Variants in MTMR10 observed in about 807,000 individuals in gnomAD.
The protein encoded by MTMR10 is myotubularin-related protein 10.
A neutral mutation model predicts 88.1 loss-of-function variants in MTMR10; 56 were observed. The ratio of observed to expected loss-of-function variants is 0.64; its 90% CI spans 0.51 to 0.79. MTMR10 has a LOEUF of 0.79. Among genes scored for constraint, MTMR10 ranks in the 30% least tolerant of loss-of-function variants. MTMR10 has a pLI of 0.00. For missense variants in MTMR10, 883 were observed against 924.7 expected (o/e 0.95, Z 0.58); for synonymous variants, 380 against 340.9 (o/e 1.11, Z -1.26).
chr15:30,947,854 C>G (rs1196919969), intron 13 of MTMR10, among the ~76,000 whole-genome samples: 1 of 152,148 alleles, frequency 6.6e-6, no homozygotes, highest in Non-Finnish European at 1.5e-5. Flanking sequence ...ACCTGCCTGG[C>G]CGGTAAGATA....
At chr15:30,943,433 C>CA (rs1366388727) in intron 14 of MTMR10, 1 of 985,018 alleles carries the variant, frequency 1.0e-6, no homozygotes, top group African/African-American at 1.7e-5. Context: ...TTTATGAGCA[C>CA]ACGGTCAGTA....
rs951169696 is a variant in MTMR10, at chr15:30,942,221, C to T, written c.1732-149G>A. 3 of 964,156 alleles carry T rather than the reference C, an allele frequency of 3.1e-6. No homozygotes were observed. In the African/African-American group the frequency reaches 4.9e-5, roughly 16 times the overall value. 59.7% of individuals were successfully genotyped at this position (964,156 alleles called of 1,614,324 possible). ...TCCTCCCTTCCTTTGTGTCCTTATTCTAATCCTCCTCCCCTGGAATTACAC... is the reference window on the plus strand; with the variant it reads ...TCCTCCCTTCCTTTGTGTCCTTATTTTAATCCTCCTCCCCTGGAATTACAC... On this transcript the variant is annotated intron_variant, in intron 15 of 15. Transcript: ENST00000435680.
At chr15:30,932,313 G>A in the MTMR10 span, among the ~76,000 whole-genome samples, 1 of 151,384 alleles carries the variant, frequency 6.6e-6, no homozygotes, top group East Asian at 1.9e-4. Flanking sequence ...TATCTTAACA[G>A]CATTATTTTG....
At chr15:30,962,525 T>TTCATTAAAAGCGGGAAGTGAAATTATGC (rs2063416030) in intron 6 of MTMR10, among the ~76,000 whole-genome samples, 7 of 152,212 alleles carry the variant, frequency 4.6e-5, no homozygotes, top group Admixed American at 6.5e-5. Flanking sequence ...AAATGGCTTC[T>TTCATTAAAAGCGGGAAGTGAAATTATGC]CTTGGCCTTA....
chr15:30,955,685 C>T (rs1023737586), intron 9 of MTMR10, among the ~76,000 whole-genome samples: 5 of 152,182 alleles, frequency 3.3e-5, no homozygotes, highest in African/African-American at 1.2e-4. Context: ...ATTAAGGAGA[C>T]CCTACACTCC....
rs751844089 is a variant in MTMR10, at chr15:30,940,193, T to G, written c.*1277A>C. On this transcript the variant is annotated 3_prime_UTR_variant, in exon 16 of 16. Transcript: ENST00000435680. ...CGGGGAATGAGGAGTGTGGGGGAGGTGGTGCCCCGTTTCACTGCTGTAAGA... is the reference window on the plus strand; with the variant it reads ...CGGGGAATGAGGAGTGTGGGGGAGGGGGTGCCCCGTTTCACTGCTGTAAGA... 2 of 984,824 alleles carry G rather than the reference T, an allele frequency of 2.0e-6. No individual in the cohort carries two copies. The highest frequency in any genetic ancestry group is 3.5e-5 in the African/African-American group (2 of 57,052). 61.0% of individuals were successfully genotyped at this position (984,824 alleles called of 1,614,324 possible).
intron 4 of MTMR10, 89 bp from the exon 5 acceptor site, chr15:30,974,545 G>A: frequency 8.3e-7 from 1 of 1,206,784 alleles, no homozygotes; most frequent in Admixed American, 3.3e-5. Flanking sequence ...GAAAATAATT[G>A]GAAGGTCACC....
At chr15:30,972,952 CA>C (rs1162383383) in intron 5 of MTMR10, among the ~76,000 whole-genome samples, 2 of 152,184 alleles carry the variant, frequency 1.3e-5, no homozygotes, top group Non-Finnish European at 2.9e-5. Flanking sequence ...TGTCCTAACT[CA>C]ATCTAGCAAG....
rs749615753 is a variant in MTMR10, at chr15:30,974,309, A to G, written c.474+5T>C. ...CCAGAACTTGATAAACCTTAACAGT[A>G]TTACCTTTTTAGCACTTTCGGGACC... On this transcript the variant is annotated splice_donor_5th_base_variant and intron_variant, in intron 5 of 15. Coordinates refer to ENST00000435680, the MANE Select transcript of MTMR10 (RefSeq NM_017762.3). The G allele has an allele frequency of 8.2e-6, 13 of 1,593,774 alleles. No homozygotes were observed. The highest frequency in any genetic ancestry group is 1.3e-5 in the African/African-American group (1 of 74,258).
chr15:30,946,431 G>C (rs1479238582), intron 14 of MTMR10: 1 of 301,408 alleles, frequency 3.3e-6, no homozygotes, highest in African/African-American at 2.1e-5. Flanking sequence ...CCAGACCAGG[G>C]CCAGAACTCA....
the MTMR10 span, chr15:30,929,173 G>T: frequency 6.2e-7 from 1 of 1,605,086 alleles, no homozygotes; most frequent in Admixed American, 1.7e-5. Context: ...TGCAGGCACA[G>T]TATGACAGCT....
At chr15:30,987,514 G>C (rs1378568478) in intron 2 of MTMR10, among the ~76,000 whole-genome samples, 1 of 152,142 alleles carries the variant, frequency 6.6e-6, no homozygotes, top group Non-Finnish European at 1.5e-5. Flanking sequence ...AGTTCCAACA[G>C]TGCACATGGT....
intron 2 of MTMR10, among the ~76,000 whole-genome samples, chr15:30,989,731 C>T (rs891288347): frequency 9.0e-5 from 13 of 145,122 alleles, no homozygotes; most frequent in Non-Finnish European, 1.8e-4. Flanking sequence ...TACAGGCGCC[C>T]GCCACCATGC....
intron 10 of MTMR10, among the ~76,000 whole-genome samples, chr15:30,954,068 C>T (rs1381980533): frequency 5.9e-5 from 9 of 152,200 alleles, no homozygotes; most frequent in Non-Finnish European, 1.5e-5. Flanking sequence ...GCTCACGTGG[C>T]CGAGGGCTAG....
chr15:30,944,802 G>A (rs977113357), intron 14 of MTMR10, among the ~76,000 whole-genome samples: 10 of 151,800 alleles, frequency 6.6e-5, no homozygotes, highest in African/African-American at 2.4e-4. Flanking sequence ...CTTGAGTCCA[G>A]GAGTTCAAGA....
Position 30,948,397 on chromosome 15 carries a change from T to C in MTMR10, c.1282A>G (p.Ile428Val). Residue 428 changes from isoleucine (I) to valine (V), a missense_variant, in exon 13 of 16, where the codon ATT (isoleucine) becomes GTT (valine). Ile to Val is a conservative substitution (Grantham distance 29). This residue lies in a region of MTMR10 where 126 missense variants were observed against 178.2 expected (regional missense o/e 0.71). Coordinates refer to ENST00000435680, the MANE Select transcript of MTMR10 (RefSeq NM_017762.3). ...QVMLDPYFRT[I>V]TGFQSLIQKE... The stretch of plus-strand genomic sequence containing the variant: ...TGTATCAGACTCTGAAATCCAGTAA[T>C]TGTCCTAAAATAGGGATCCAGCATC... 1.2e-6 allele frequency: 2 copies of C among 1,613,518 alleles called. No homozygotes were observed. Among genetic ancestry groups the C allele is most frequent in the Non-Finnish European group, 1.7e-6 (2 of 1,179,662 alleles).
At position 30,941,294 on chromosome 15, in the gene MTMR10, C is replaced by T. The variant is rs762087391; in HGVS notation, c.*176G>A. 89 of 1,513,984 alleles carry T rather than the reference C, an allele frequency of 5.9e-5. 1 individual carries two copies. The Middle Eastern group carries it at 8.5e-4, about 14-fold the overall frequency. 93.8% of individuals were successfully genotyped at this position (1,513,984 alleles called of 1,614,324 possible). A position where few individuals can be genotyped will look rare whatever the true frequency, so the allele number is the denominator to read the frequency against. ...GAGGACAGGAACAAAATTTACATCT[C>T]TCTTAAAATAAGTGTGAAAGAAGCA... On this transcript the variant is annotated 3_prime_UTR_variant, in exon 16 of 16. Coordinates refer to ENST00000435680, the MANE Select transcript of MTMR10 (RefSeq NM_017762.3).
chr15:30,957,339 A>C (rs1278590676), intron 9 of MTMR10, among the ~76,000 whole-genome samples: 4 of 152,230 alleles, frequency 2.6e-5, no homozygotes, highest in African/African-American at 9.6e-5. Context: ...AAAACTCAGG[A>C]GCTCTAAGAA....
intron 15 of MTMR10, 29 bp from the exon 16 acceptor site, chr15:30,942,101 G>C: frequency 2.5e-6 from 4 of 1,578,780 alleles, no homozygotes; most frequent in Non-Finnish European, 3.4e-6. Context: ...ATTATGTTCC[G>C]GGGATTCCCT....
Sources: gnomAD v4.1 joint callset for allele counts (sites outside exome capture counted in the v4.1 genomes callset) on GRCh38, gnomAD v4.1.1 for gene constraint, gnomAD v4.1.1 regional missense constraint, MANE v1.5 for transcripts, NCBI Gene and HGNC (gene_info 2026-07-23, HGNC 2026-07-21) for gene names.